Variants in PTGS2 observed in about 807,000 individuals in gnomAD.
The protein encoded by PTGS2 is prostaglandin-endoperoxide synthase 2.
In PTGS2, 14 loss-of-function variants were observed where a neutral mutation model predicts 63.8. The observed-to-expected ratio is 0.22, with a 90% CI of 0.14 to 0.34. The LOEUF (loss-of-function observed/expected upper bound fraction) is 0.34. Ranked by LOEUF, PTGS2 falls within the 10% of genes least tolerant of loss-of-function variation. PTGS2 has a pLI of 1.00. For missense variants in PTGS2, 533 were observed against 738.5 expected (o/e 0.72, Z 3.23); for synonymous variants, 271 against 259.5 (o/e 1.04, Z -0.43).
At chr1:186,680,154 C>T in intron 1 of PTGS2, 85 bp downstream of exon 1, 1 of 1,541,468 alleles carries the variant, frequency 6.5e-7, no homozygotes, top group East Asian at 2.5e-5. Flanking sequence ...AGTCGGAGTA[C>T]TGGGATAGAC....
intron 5 of PTGS2, 73 bp downstream of exon 5, chr1:186,677,576 T>C: frequency 7.3e-7 from 1 of 1,372,232 alleles, no homozygotes; most frequent in Non-Finnish European, 9.8e-7. Flanking sequence ...TATCTGTATA[T>C]CTCCTTTAAT....
In PTGS2 at chr1:186,678,187, G is replaced by A. The variant is rs2102006877; in HGVS notation, c.457+74C>T. 3 of 1,410,186 alleles carry A rather than the reference G, an allele frequency of 2.1e-6. No homozygotes were observed. The South Asian group carries it at 4.7e-5, about 22-fold the overall frequency. 87.4% of individuals were successfully genotyped at this position (1,410,186 alleles called of 1,614,324 possible). A position where few individuals can be genotyped will look rare whatever the true frequency, so the allele number is the denominator to read the frequency against. ...GTTAATAAATAAATGGTAGTCTAAG[G>A]TCAATTTTTTTTTTTGGCAGCAATG... is the stretch of plus-strand genomic sequence containing the variant. On this transcript the variant is annotated intron_variant, in intron 4 of 9. Coordinates refer to ENST00000367468, the MANE Select transcript of PTGS2 (RefSeq NM_000963.4).
In PTGS2 at chr1:186,673,561, C is replaced by A. The variant is rs1354760511; in HGVS notation, c.*792G>T. The A allele has an allele frequency of 2.6e-5, 4 of 152,154 alleles. No individual in the cohort carries two copies. In the East Asian group the frequency reaches 5.8e-4, roughly 22 times the overall value. The allele number at this position is 152,154 out of a possible 1,614,324, so 9.4% of individuals were successfully genotyped here. On this transcript the variant is annotated 3_prime_UTR_variant, in exon 10 of 10. Transcript: ENST00000367468. The stretch of plus-strand genomic sequence containing the variant: ...TTAAGATAACACTGCAGTGGCTCCA[C>A]CACCTTAATAAATTTGGCATTTTGA...
chr1:186,679,096 G>A lies in PTGS2; in HGVS notation c.275C>T (p.Pro92Leu), dbSNP rs1458352165. The A allele has an allele frequency of 3.1e-6, 5 of 1,613,992 alleles. No homozygotes were observed. The highest frequency in any genetic ancestry group is 4.2e-6 in the Non-Finnish European group (5 of 1,180,016). The change falls in exon 3 of 10, where the codon CCC becomes CTC. Residue 92 changes from proline (P) to leucine (L), a missense_variant. Pro to Leu is a moderately conservative substitution (Grantham distance 98). This residue lies in a region of PTGS2 where 118 missense variants were observed against 144.6 expected (regional missense o/e 0.82). Coordinates refer to ENST00000367468, the MANE Select transcript of PTGS2 (RefSeq NM_000963.4). ...KGFWNVVNNI[P>L]FLRNAIMSYV... ...ACTCATAATTGCATTTCGAAGGAAG[G>A]GAATGTTATTCACAACGTTCCAAAA...
In PTGS2 at chr1:186,675,370, G is replaced by A. The variant is rs751502386; in HGVS notation, c.1284C>T (p.Pro428=). The A allele has an allele frequency of 3.7e-6, 6 of 1,612,698 alleles. No individual in the cohort carries two copies. The African/African-American group carries it at 6.7e-5, about 18-fold the overall frequency. Residue 428 remains proline (P), a synonymous_variant, in exon 9 of 10, where the codon CCC becomes CCT. Coordinates refer to ENST00000367468, the MANE Select transcript of PTGS2 (RefSeq NM_000963.4). The part of the protein sequence containing the change: ...GRVAGGRNVP[P]AVQKVSQASI... ...AAGCCTGTGATACTTTCTGTACTGC[G>A]GGTGGAACATTCCTACCACCAGCAA...
At position 186,674,353 on chromosome 1, in the gene PTGS2, C is replaced by G; in HGVS notation, c.1815G>C (p.Ter605TyrextTer11). The change falls in exon 10 of 10, where the codon TAG (stop) becomes TAC (tyrosine). Residue 605 changes from the stop codon to tyrosine, a stop_lost. Coordinates refer to ENST00000367468, the MANE Select transcript of PTGS2 (RefSeq NM_000963.4). ...VLLKERSTEL* is the reference protein window; with the variant it reads ...VLLKERSTELY ...ATAAATAAATATGATCATTAGACTT[C>G]TACAGTTCAGTCGAACGTTCTTTTA... 1 of 1,595,982 alleles carries G rather than the reference C, an allele frequency of 6.3e-7. No homozygotes were observed. Among genetic ancestry groups the G allele is most frequent in the Non-Finnish European group, 8.6e-7 (1 of 1,166,652 alleles).
In PTGS2 at chr1:186,679,044, A is replaced by T. The variant is rs766147149; in HGVS notation, c.313+14T>A. 3.1e-6 allele frequency: 5 copies of T among 1,605,298 alleles called. No homozygotes were observed. Among genetic ancestry groups the T allele is most frequent in the Non-Finnish European group, 4.2e-6 (5 of 1,177,354 alleles). ...TGAGAAGGCTAAAAACCTTAGAAAG[A>T]CACTTGTACTTACATGTCAACACAT... On this transcript the variant is annotated intron_variant, in intron 3 of 9. Transcript: ENST00000367468.
intron 3 of PTGS2, 26 bp downstream of exon 3, chr1:186,679,032 A>T (rs1665829346): frequency 1.3e-6 from 2 of 1,599,808 alleles, no homozygotes; most frequent in Non-Finnish European, 8.5e-7. Context: ...GAAGGCTAAA[A>T]ACCTTAGAAA....
chr1:186,675,210 A>G, intron 9 of PTGS2, 39 bp downstream of exon 9: 1 of 1,598,176 alleles, frequency 6.3e-7, no homozygotes, highest in Non-Finnish European at 8.5e-7. Context: ...AAACAAACAA[A>G]CAAACAAAAA....
rs1434160016 is a variant in PTGS2, at chr1:186,676,018, G to A, written c.1137C>T (p.Asp379=). The A allele has an allele frequency of 1.9e-6, 3 of 1,613,950 alleles. No individual in the cohort carries two copies. The Admixed American group carries it at 5.0e-5, about 27-fold the overall frequency. Reference sequence around the variant, plus strand: ...ATTTCTGGTCATGAATTTGAAAGGTGTCAGGCAGAAGGGGATGCCAGTGAT... The same window carrying A: ...ATTTCTGGTCATGAATTTGAAAGGTATCAGGCAGAAGGGGATGCCAGTGAT... ...TLYHWHPLLP[D]TFQIHDQKYN... is the part of the protein sequence containing the mutation. The change falls in exon 8 of 10, where the codon GAC becomes GAT. Residue 379 remains aspartate, a synonymous_variant. Coordinates refer to ENST00000367468, the MANE Select transcript of PTGS2 (RefSeq NM_000963.4).
At position 186,676,878 on chromosome 1, in the gene PTGS2, T is replaced by C; in HGVS notation, c.678A>G (p.Arg226=). The C allele has an allele frequency of 5.0e-6, 8 of 1,609,300 alleles. No individual in the cohort carries two copies. The highest frequency in any genetic ancestry group is 5.9e-6 in the Non-Finnish European group (7 of 1,178,366). Residue 226 remains arginine (R), a synonymous_variant, in exon 6 of 10, where the codon AGA becomes AGG. Coordinates refer to ENST00000367468, the MANE Select transcript of PTGS2 (RefSeq NM_000963.4). ...CCTTGAAAAGGCGCAGTTTACGCTG[T>C]CTAGCCAGAGTTTCACCGTAAATAT... ...LNHIYGETLA[R]QRKLRLFKDG... is the part of the protein sequence containing the mutation.
rs1168061200 is a variant in PTGS2 at position 186,672,833 on chromosome 1, G to T, written c.*1520C>A. ...TCTTGGTTACAGATAGCTAAAATTA[G>T]CTATAAATAAAATTCTCTGCTTTTC... is the stretch of plus-strand genomic sequence containing the variant. On this transcript the variant is annotated 3_prime_UTR_variant, in exon 10 of 10. Transcript: ENST00000367468. 1 of 152,322 alleles carries T rather than the reference G, an allele frequency of 6.6e-6. No individual in the cohort carries two copies. The highest frequency in any genetic ancestry group is 1.9e-4 in the East Asian group (1 of 5,194). 9.4% of individuals were successfully genotyped at this position (152,322 alleles called of 1,614,324 possible). A position where few individuals can be genotyped will look rare whatever the true frequency, so the allele number is the denominator to read the frequency against.
rs1665732678 is a variant in PTGS2 at position 186,673,823 on chromosome 1, A to G, written c.*530T>C. 1 of 152,212 alleles carries G rather than the reference A, an allele frequency of 6.6e-6. No homozygotes were observed. Among genetic ancestry groups the G allele is most frequent in the African/African-American group, 2.4e-5 (1 of 41,454 alleles). The allele number at this position is 152,212 out of a possible 1,614,324, so 9.4% of individuals were successfully genotyped here. A position where few individuals can be genotyped will look rare whatever the true frequency, so the allele number is the denominator to read the frequency against. ...TTTAGAAATTTCAAATTATTGTTTC[A>G]TTGCTGATTTTAAAAAGTAGACATG... On this transcript the variant is annotated 3_prime_UTR_variant, in exon 10 of 10. Transcript: ENST00000367468.
chr1:186,675,457 A>G (rs1665763468), intron 8 of PTGS2, 61 bp from the exon 9 acceptor site: 1 of 1,572,742 alleles, frequency 6.4e-7, no homozygotes. Context: ...GTTTGTATTC[A>G]GCTTGCCTTA....
Position 186,677,157 on chromosome 1 carries a change from A to G in PTGS2, c.640-241T>C, listed in dbSNP as rs572342120. ...ATACTATATTGAGCTTATATCATAT[A>G]TATTATATACTTCACTATGATGATA... On this transcript the variant is annotated intron_variant, in intron 5 of 9. Transcript: ENST00000367468. 2.8e-4 allele frequency among the ~76,000 whole-genome samples: 42 copies of G among 152,222 alleles called. No homozygotes were observed. The South Asian group carries it at 4.3e-3, about 16-fold the overall frequency.
intron 5 of PTGS2, 99 bp from the exon 6 acceptor site, chr1:186,677,015 G>C: frequency 1.1e-6 from 1 of 897,120 alleles, no homozygotes; most frequent in Non-Finnish European, 1.7e-6. Flanking sequence ...TGATCATTTA[G>C]CTTTCTTTAA....
At chr1:186,678,161 T>C in intron 4 of PTGS2, 100 bp downstream of exon 4, 1 of 1,256,814 alleles carries the variant, frequency 8.0e-7, no homozygotes. Context: ...AAACTGCTTT[T>C]GTTAATAAAT....
In PTGS2 at chr1:186,674,753, T is replaced by A; in HGVS notation, c.1415A>T (p.Glu472Val). Residue 472 changes from glutamate to valine, a missense_variant, in exon 10 of 10, where the codon GAA becomes GTA. Around this residue, in one of 5 missense-constraint regions of PTGS2, gnomAD observed 219 missense variants for 267.4 expected, o/e 0.82. Transcript: ENST00000367468. ...GAGTGCTTCCAACTCTGCAGACATT[T>A]CCTTTTCTCCTGTGAAGGCGATGAA... The part of the protein sequence containing the change: ...ESFEELTGEK[E>V]MSAELEALYG... The A allele has an allele frequency of 6.2e-7, 1 of 1,604,146 alleles. No homozygotes were observed. Among genetic ancestry groups the A allele is most frequent in the Middle Eastern group, 1.7e-4 (1 of 5,984 alleles).
chr1:186,674,755 C>T lies in PTGS2; in HGVS notation c.1413G>A (p.Lys471=), dbSNP rs777664238. Residue 471 remains lysine, a synonymous_variant, in exon 10 of 10, where the codon AAG becomes AAA. Coordinates refer to ENST00000367468, the MANE Select transcript of PTGS2 (RefSeq NM_000963.4). ...GTGCTTCCAACTCTGCAGACATTTC[C>T]TTTTCTCCTGTGAAGGCGATGAAGA... The part of the protein sequence containing the change: ...YESFEELTGE[K]EMSAELEALY... 10 of 1,604,082 alleles carry T rather than the reference C, an allele frequency of 6.2e-6. No individual in the cohort carries two copies. The highest frequency in any genetic ancestry group is 1.1e-5 in the South Asian group (1 of 89,566).
Sources: gnomAD v4.1 joint callset for allele counts (sites outside exome capture counted in the v4.1 genomes callset) on GRCh38, gnomAD v4.1.1 for gene constraint, gnomAD v4.1.1 regional missense constraint, MANE v1.5 for transcripts, NCBI Gene and HGNC (gene_info 2026-07-23, HGNC 2026-07-21) for gene names.